OR2M3: variants seen among roughly 807,000 people sequenced by gnomAD.
OR2M3 encodes olfactory receptor family 2 subfamily M member 3.
OR2M3 carries 1 observed loss-of-function variant against 4.3 expected under a neutral mutation model. That is an observed-to-expected ratio of 0.23 (90% CI 0.08 to 1.11). OR2M3 has a LOEUF of 1.11. Ranked by LOEUF, OR2M3 falls within the 50% of genes most tolerant of loss-of-function variation. The pLI, the probability that OR2M3 is intolerant of heterozygous loss-of-function variation, is 0.54. For synonymous variants in OR2M3, 151 were observed against 139.4 expected, an observed-to-expected ratio of 1.08 and a Z score of -0.59; for missense variants, 410 against 390.4, an observed-to-expected ratio of 1.05 and a Z score of -0.42.
At position 248,203,202 on chromosome 1, in the gene OR2M3, G is replaced by A; in HGVS notation, c.135G>A (p.Met45Ile). 8 of 1,613,896 alleles carry A rather than the reference G, an allele frequency of 5.0e-6. No individual in the cohort carries two copies. The highest frequency in any genetic ancestry group is 6.8e-6 in the Non-Finnish European group (8 of 1,179,950). The change falls in exon 2 of 2, where the codon ATG becomes ATA. Residue 45 changes from methionine to isoleucine, a missense_variant. By Grantham distance (10) the Met-to-Ile change is conservative. Transcript: ENST00000641626. ...FSVAFMGNSV[M>I]VLLIYLDTQL... is the part of the protein sequence containing the mutation. ...TGGCCTTCATGGGAAACTCTGTCAT[G>A]GTTCTCCTCATCTACCTGGACACCC...
At position 248,203,084 on chromosome 1, in the gene OR2M3, C is replaced by A. The variant is rs769867138; in HGVS notation, c.17C>A (p.Ser6Ter). Reference sequence around the variant, plus strand: ...ATACACATCATGGCAAGGGAGAATTCGACCTTCAACTCCGACTTCATCCTC... The same window carrying A: ...ATACACATCATGGCAAGGGAGAATTAGACCTTCAACTCCGACTTCATCCTC... MAREN[S>*]TFNSDFILLG... is the part of the protein sequence containing the mutation. The change falls in exon 2 of 2, where the codon TCG becomes TAG. Residue 6 changes from serine (S) to a stop codon, truncating the protein, a stop_gained. Coordinates refer to ENST00000641626, the MANE Select transcript of OR2M3 (RefSeq NM_001004689.2). LOFTEE classifies it low-confidence loss of function (END_TRUNC). 6.1e-5 allele frequency: 99 copies of A among 1,612,660 alleles called. No individual in the cohort carries two copies. The highest frequency in any genetic ancestry group is 4.9e-4 in the Middle Eastern group (3 of 6,078).
rs372031566 is a variant in OR2M3, at chr1:248,204,012, C to G, written c.*6C>G. On this transcript the variant is annotated 3_prime_UTR_variant, in exon 2 of 2. Transcript: ENST00000641626. ...AGGGCAAGTCTGGAGAGTGAGTTAC[C>G]TAATAAACTTCATGTTTTGCTGTGT... The G allele has an allele frequency of 5.0e-6, 8 of 1,613,270 alleles. No individual in the cohort carries two copies. The highest frequency in any genetic ancestry group is 5.9e-6 in the Non-Finnish European group (7 of 1,179,512).
intron 1 of OR2M3, among the ~76,000 whole-genome samples, chr1:248,198,558 A>G (rs2103012606): frequency 6.6e-6 from 1 of 152,310 alleles, no homozygotes; most frequent in South Asian, 2.1e-4. Context: ...TGGATTACAC[A>G]GTGGATTACA....
rs1558255331 is a variant in OR2M3, at chr1:248,212,439, CT to C, written c.*8438del. 1 of 151,898 alleles carries C rather than the reference CT, an allele frequency of 6.6e-6. No individual in the cohort carries two copies. The highest frequency in any genetic ancestry group is 1.5e-5 in the Non-Finnish European group (1 of 67,918). 9.4% of individuals were successfully genotyped at this position (151,898 alleles called of 1,614,324 possible). On this transcript the variant is annotated 3_prime_UTR_variant, in exon 2 of 2. Transcript: ENST00000641626. ...AAAACCTGCTTCTAAATATAATGTA[CT>C]TTTTATTAAGATAGATTCATTTATA...
At chr1:248,200,484 G>A (rs1472512460) in intron 1 of OR2M3, among the ~76,000 whole-genome samples, 4 of 152,096 alleles carry the variant, frequency 2.6e-5, no homozygotes, top group Non-Finnish European at 5.9e-5. Flanking sequence ...TCATTCTCAA[G>A]ACATTGACTG....
rs199907669 is a variant in OR2M3 at position 248,203,067 on chromosome 1, C to A, written c.-1C>A. On this transcript the variant is annotated 5_prime_UTR_variant, in exon 2 of 2. Coordinates refer to ENST00000641626, the MANE Select transcript of OR2M3 (RefSeq NM_001004689.2). The stretch of plus-strand genomic sequence containing the variant: ...GGTACTAGGTAAAAAGCATACACAT[C>A]ATGGCAAGGGAGAATTCGACCTTCA... 1 of 1,609,848 alleles carries A rather than the reference C, an allele frequency of 6.2e-7. No homozygotes were observed. The highest frequency in any genetic ancestry group is 2.2e-5 in the East Asian group (1 of 44,852).
rs1485345306 is a variant in OR2M3 at position 248,212,362 on chromosome 1, T to C, written c.*8356T>C. ...TTTAACAATTAAGCAAAATGCATAA[T>C]TAATTATAGTTATCTTAAATCACTT... On this transcript the variant is annotated 3_prime_UTR_variant, in exon 2 of 2. Transcript: ENST00000641626. The C allele has an allele frequency of 6.6e-6, 1 of 152,072 alleles. No homozygotes were observed. Among genetic ancestry groups the C allele is most frequent in the Non-Finnish European group, 1.5e-5 (1 of 67,946 alleles). The allele number at this position is 152,072 out of a possible 1,614,324, so 9.4% of individuals were successfully genotyped here.
chr1:248,203,873 C>T lies in OR2M3; in HGVS notation c.806C>T (p.Thr269Ile), dbSNP rs1306827254. 3 of 1,613,684 alleles carry T rather than the reference C, an allele frequency of 1.9e-6. No individual in the cohort carries two copies. Among genetic ancestry groups the T allele is most frequent in the Non-Finnish European group, 1.7e-6 (2 of 1,179,878 alleles). ...YIRPTSDRSPTQDKMVSVFYT... is the reference protein window; with the variant it reads ...YIRPTSDRSPIQDKMVSVFYT... ...CGGCCCACATCTGATCGCTCCCCAACACAGGACAAGATGGTGTCTGTATTC... is the reference window on the plus strand; with the variant it reads ...CGGCCCACATCTGATCGCTCCCCAATACAGGACAAGATGGTGTCTGTATTC... The change falls in exon 2 of 2, where the codon ACA (threonine) becomes ATA (isoleucine). Residue 269 changes from threonine to isoleucine, a missense_variant. Transcript: ENST00000641626.
At position 248,207,730 on chromosome 1, in the gene OR2M3, T is replaced by C. The variant is rs1389294279; in HGVS notation, c.*3724T>C. 5.3e-5 allele frequency: 8 copies of C among 152,142 alleles called. No individual in the cohort carries two copies. The East Asian group carries it at 5.8e-4, about 11-fold the overall frequency. 9.4% of individuals were successfully genotyped at this position (152,142 alleles called of 1,614,324 possible). A position where few individuals can be genotyped will look rare whatever the true frequency, so the allele number is the denominator to read the frequency against. On this transcript the variant is annotated 3_prime_UTR_variant, in exon 2 of 2. Transcript: ENST00000641626. ...GAGACTTGTTTTTTGGCCTATCATA[T>C]GGTCTATCTTGGAGAATGTTCTGTG...
rs1360077837 is a variant in OR2M3, at chr1:248,207,178, G to A, written c.*3172G>A. 6.6e-6 allele frequency: 1 copy of A among 151,862 alleles called. No homozygotes were observed. Among genetic ancestry groups the A allele is most frequent in the African/African-American group, 2.4e-5 (1 of 41,372 alleles). 9.4% of individuals were successfully genotyped at this position (151,862 alleles called of 1,614,324 possible). A position where few individuals can be genotyped will look rare whatever the true frequency, so the allele number is the denominator to read the frequency against. On this transcript the variant is annotated 3_prime_UTR_variant, in exon 2 of 2. Coordinates refer to ENST00000641626, the MANE Select transcript of OR2M3 (RefSeq NM_001004689.2). ...TATCTCCCTTTTCATTTCTAATTGT[G>A]TTTATTTGCATCTTCTCTATTCTTT...
chr1:248,202,950 C>A (rs1043479056), intron 1 of OR2M3, 100 bp from the exon 2 acceptor site: 17 of 998,512 alleles, frequency 1.7e-5, no homozygotes, highest in Middle Eastern at 4.3e-4. Context: ...TCTATTCATG[C>A]TGTATTGATC....
intron 1 of OR2M3, among the ~76,000 whole-genome samples, chr1:248,201,036 G>A (rs1016115550): frequency 6.6e-6 from 1 of 151,932 alleles, no homozygotes; most frequent in Admixed American, 6.6e-5. Context: ...TACTCACCAG[G>A]CTTCTTTTTC....
rs1572794373 is a variant in OR2M3, at chr1:248,207,678, T to C, written c.*3672T>C. The C allele has an allele frequency of 6.6e-6, 1 of 152,136 alleles. No homozygotes were observed. Among genetic ancestry groups the C allele is most frequent in the East Asian group, 1.9e-4 (1 of 5,200 alleles). 9.4% of individuals were successfully genotyped at this position (152,136 alleles called of 1,614,324 possible). The stretch of plus-strand genomic sequence containing the variant: ...TACTGTGGTCTGAGACAGTACTTGA[T>C]ATAATTTTGATTTTCTTAAATTCAC... On this transcript the variant is annotated 3_prime_UTR_variant, in exon 2 of 2. Coordinates refer to ENST00000641626, the MANE Select transcript of OR2M3 (RefSeq NM_001004689.2).
rs1454946184 is a variant in OR2M3, at chr1:248,208,332, T to G, written c.*4326T>G. 9 of 152,176 alleles carry G rather than the reference T, an allele frequency of 5.9e-5. No individual in the cohort carries two copies. Among genetic ancestry groups the G allele is most frequent in the Admixed American group, 5.2e-4 (8 of 15,272 alleles). The allele number at this position is 152,176 out of a possible 1,614,324, so 9.4% of individuals were successfully genotyped here. ...TCAATGTCGGAATTGAGATGTGAGG[T>G]ACTATTCTATACATCGTGCTATTTG... On this transcript the variant is annotated 3_prime_UTR_variant, in exon 2 of 2. Coordinates refer to ENST00000641626, the MANE Select transcript of OR2M3 (RefSeq NM_001004689.2).
chr1:248,198,368 TC>T (rs1277161623), intron 1 of OR2M3, among the ~76,000 whole-genome samples: 2 of 152,190 alleles, frequency 1.3e-5, no homozygotes, highest in Non-Finnish European at 2.9e-5. Flanking sequence ...GTGAGACTCA[TC>T]AATGCTACTT....
Position 248,203,225 on chromosome 1 carries a change from C to T in OR2M3, c.158C>T (p.Thr53Ile), listed in dbSNP as rs1001713903. The T allele has an allele frequency of 1.9e-6, 3 of 1,613,854 alleles. No homozygotes were observed. The African/African-American group carries it at 4.0e-5, about 22-fold the overall frequency. The change falls in exon 2 of 2, where the codon ACC becomes ATC. Residue 53 changes from threonine to isoleucine, a missense_variant. Thr to Ile is a moderately conservative substitution (Grantham distance 89, BLOSUM62 -1). Coordinates refer to ENST00000641626, the MANE Select transcript of OR2M3 (RefSeq NM_001004689.2). ...SVMVLLIYLD[T>I]QLHTPMYLLL... ...ATGGTTCTCCTCATCTACCTGGACA[C>T]CCAGCTCCACACCCCCATGTACCTC...
chr1:248,203,578 T>C lies in OR2M3; in HGVS notation c.511T>C (p.Ser171Pro). The C allele has an allele frequency of 6.2e-7, 1 of 1,613,758 alleles. No homozygotes were observed. The highest frequency in any genetic ancestry group is 8.5e-7 in the Non-Finnish European group (1 of 1,179,808). Residue 171 changes from serine (S) to proline (P), a missense_variant, in exon 2 of 2, where the codon TCT becomes CCT. Physicochemically the swap from Ser to Pro is moderately conservative, Grantham distance 74. Transcript: ENST00000641626. ...AACATTTTCCTTCTCCTACTGTGGGTCTCGGGAAATAGCCCACTTCTTCTG... is the reference window on the plus strand; with the variant it reads ...AACATTTTCCTTCTCCTACTGTGGGCCTCGGGAAATAGCCCACTTCTTCTG... ...VATFSFSYCGSREIAHFFCDF... is the reference protein window; with the variant it reads ...VATFSFSYCGPREIAHFFCDF...
rs1173347770 is a variant in OR2M3 at position 248,209,168 on chromosome 1, T to C, written c.*5162T>C. On this transcript the variant is annotated 3_prime_UTR_variant, in exon 2 of 2. Coordinates refer to ENST00000641626, the MANE Select transcript of OR2M3 (RefSeq NM_001004689.2). ...AAGTGTGTCCTTGATTTTTAGAAGT[T>C]GTGAGTGTTTTTATTTATGCTGTTT... The C allele has an allele frequency of 6.6e-6, 1 of 152,184 alleles. No individual in the cohort carries two copies. The highest frequency in any genetic ancestry group is 1.5e-5 in the Non-Finnish European group (1 of 68,038). The allele number at this position is 152,184 out of a possible 1,614,324, so 9.4% of individuals were successfully genotyped here.
Position 248,203,520 on chromosome 1 carries a change from G to A in OR2M3, c.453G>A (p.Leu151=), listed in dbSNP as rs757212778. 1.9e-6 allele frequency: 3 copies of A among 1,613,650 alleles called. No individual in the cohort carries two copies. The highest frequency in any genetic ancestry group is 1.7e-5 in the Admixed American group (1 of 59,954). ...CGLMTAFSWI[L]GSTDGIIDVV... ...TTATGACTGCCTTTTCCTGGATCCTGGGCTCTACGGATGGAATTATTGATG... is the reference window on the plus strand; with the variant it reads ...TTATGACTGCCTTTTCCTGGATCCTAGGCTCTACGGATGGAATTATTGATG... The change falls in exon 2 of 2, where the codon CTG becomes CTA. Residue 151 remains leucine, a synonymous_variant. Transcript: ENST00000641626.
Sources: gnomAD v4.1 joint callset for allele counts (sites outside exome capture counted in the v4.1 genomes callset) on GRCh38, gnomAD v4.1.1 for gene constraint, MANE v1.5 for transcripts, NCBI Gene and HGNC (gene_info 2026-07-23, HGNC 2026-07-21) for gene names.